RYR2: variants seen among roughly 807,000 people sequenced by gnomAD.
The protein encoded by RYR2 is ryanodine receptor 2.
Under a neutral mutation model 601.1 loss-of-function variants are expected in RYR2, and 227 were observed. The observed-to-expected ratio is 0.38, with a 90% CI of 0.34 to 0.42. The LOEUF is 0.42. Among genes scored for constraint, RYR2 ranks in the 10% least tolerant of loss-of-function variants. The pLI is 1.00. For synonymous variants in RYR2, 2,223 were observed against 2,175.1 expected (o/e 1.02, Z -0.61); for missense variants, 4,646 against 6,156.5 (o/e 0.75, Z 8.21).
At chr1:237,437,937 A>C (rs1460120401) in intron 12 of RYR2, among the ~76,000 whole-genome samples, 1 of 152,212 alleles carries the variant, frequency 6.6e-6, no homozygotes, top group African/African-American at 2.4e-5. Context: ...TGTAGGAGGC[A>C]TAGGAATTAA....
intron 16 of RYR2, among the ~76,000 whole-genome samples, chr1:237,459,136 A>T (rs776948815): frequency 6.6e-6 from 1 of 152,266 alleles, no homozygotes; most frequent in Non-Finnish European, 1.5e-5. Flanking sequence ...ACTAAATTTC[A>T]TAATATAGCA....
chr1:237,306,264 A>C (rs1693852253), intron 2 of RYR2, among the ~76,000 whole-genome samples: 1 of 152,192 alleles, frequency 6.6e-6, no homozygotes, highest in African/African-American at 2.4e-5. Flanking sequence ...CAGCCACAAA[A>C]TGTAAATTTT....
intron 33 of RYR2, among the ~76,000 whole-genome samples, chr1:237,594,610 G>T (rs1197845334): frequency 6.6e-6 from 1 of 152,128 alleles, no homozygotes; most frequent in Non-Finnish European, 1.5e-5. Context: ...GGAGGAAATG[G>T]AAGATAGGGA....
intron 24 of RYR2, among the ~76,000 whole-genome samples, chr1:237,520,740 A>G (rs1041497352): frequency 5.3e-5 from 8 of 152,178 alleles, no homozygotes; most frequent in African/African-American, 1.9e-4. Flanking sequence ...AACAAGTAGC[A>G]AGACTGAATC....
rs531901627 is a variant in RYR2, at chr1:237,046,656, A to G, written c.48+4087A>G. ...AACGCTTAGGGCACTAATTTATTTG[A>G]CATTCAATTGTATTTGTACTTTGGC... is the stretch of plus-strand genomic sequence containing the variant. On this transcript the variant is annotated intron_variant, in intron 1 of 104. Coordinates refer to ENST00000366574, the MANE Select transcript of RYR2 (RefSeq NM_001035.3). Among the ~76,000 whole-genome samples the G allele has an allele frequency of 4.5e-4, 69 of 152,304 alleles. 1 individual carries two copies. Among genetic ancestry groups the G allele is most frequent in the African/African-American group, 1.6e-3 (65 of 41,560 alleles).
chr1:237,589,989 T>A lies in RYR2; in HGVS notation c.3795T>A (p.His1265Gln). The A allele has an allele frequency of 6.2e-7, 1 of 1,613,734 alleles. No homozygotes were observed. The highest frequency in any genetic ancestry group is 8.5e-7 in the Non-Finnish European group (1 of 1,179,764). ...LPQFLQVPSN[H>Q]EHIEVTRIDG... ...AGTTTCTTCAAGTTCCATCAAACCA[T>A]GAACATATAGAGGTTTGCTTTTTCT... The change falls in exon 30 of 105, where the codon CAT becomes CAA. Residue 1265 changes from histidine (H) to glutamine (Q), a missense_variant. Transcript: ENST00000366574.
chr1:237,384,630 C>T (rs997319061), intron 8 of RYR2, among the ~76,000 whole-genome samples: 50 of 152,214 alleles, frequency 3.3e-4, no homozygotes, highest in African/African-American at 1.1e-3. Context: ...AATATTTGCA[C>T]ATAGCGCATT....
intron 12 of RYR2, among the ~76,000 whole-genome samples, chr1:237,437,450 A>G (rs1180761408): frequency 2.6e-5 from 4 of 152,162 alleles, no homozygotes; most frequent in Non-Finnish European, 4.4e-5. Context: ...GTTTGTCAGC[A>G]CAGTTTTTAT....
At position 237,660,842 on chromosome 1, in the gene RYR2, A is replaced by G. The variant is rs1057520894; in HGVS notation, c.8331A>G (p.Glu2777=). ...EKEIYRWPIK[E]SLKTMLAWGW... Reference sequence around the variant, plus strand: ...AAATTTATCGCTGGCCAATCAAAGAATCTTTAAAAACTATGCTGGCTTGGG... The same window carrying G: ...AAATTTATCGCTGGCCAATCAAAGAGTCTTTAAAAACTATGCTGGCTTGGG... Residue 2777 remains glutamate, a synonymous_variant, in exon 56 of 105, where the codon GAA becomes GAG. Coordinates refer to ENST00000366574, the MANE Select transcript of RYR2 (RefSeq NM_001035.3). 1 of 1,547,402 alleles carries G rather than the reference A, an allele frequency of 6.5e-7. No individual in the cohort carries two copies. Among genetic ancestry groups the G allele is most frequent in the Non-Finnish European group, 8.7e-7 (1 of 1,144,338 alleles).
At chr1:237,656,749 T>C (rs2148826255) in intron 53 of RYR2, among the ~76,000 whole-genome samples, 1 of 152,304 alleles carries the variant, frequency 6.6e-6, no homozygotes, top group South Asian at 2.1e-4. Flanking sequence ...GGCTTCTGAG[T>C]GGCCCCCAGC....
chr1:237,796,917 T>C (rs1239771839), intron 96 of RYR2, among the ~76,000 whole-genome samples: 6 of 152,096 alleles, frequency 3.9e-5, no homozygotes, highest in African/African-American at 1.4e-4. Flanking sequence ...CCCAAGTAGC[T>C]GGGATTACAG....
chr1:237,388,856 G>A (rs570448882), intron 10 of RYR2, among the ~76,000 whole-genome samples: 14 of 152,300 alleles, frequency 9.2e-5, no homozygotes, highest in African/African-American at 2.9e-4. Flanking sequence ...GTACTGTGTG[G>A]ATGGTTTGTT....
chr1:237,757,833 A>T, intron 82 of RYR2, 57 bp downstream of exon 82: 1 of 1,063,634 alleles, frequency 9.4e-7, no homozygotes, highest in South Asian at 1.3e-5. Context: ...ACCATATAGT[A>T]AAGAACTATT....
intron 10 of RYR2, among the ~76,000 whole-genome samples, chr1:237,414,659 T>C (rs894243726): frequency 2.0e-5 from 3 of 152,214 alleles, no homozygotes; most frequent in Non-Finnish European, 4.4e-5. Flanking sequence ...TGCAAACATT[T>C]ATAATTTCTT....
chr1:237,756,681 G>A (rs1692982722), intron 81 of RYR2, among the ~76,000 whole-genome samples: 1 of 152,096 alleles, frequency 6.6e-6, no homozygotes, highest in African/African-American at 2.4e-5. Flanking sequence ...GGGTGCACGA[G>A]CTTTTTCTTT....
At chr1:237,676,145 G>T (rs908642282) in intron 60 of RYR2, among the ~76,000 whole-genome samples, 3 of 152,082 alleles carry the variant, frequency 2.0e-5, no homozygotes, top group African/African-American at 7.2e-5. Flanking sequence ...TCCGATATGC[G>T]TAGCAACTCC....
chr1:237,541,114 G>A (rs1669214290), intron 25 of RYR2, among the ~76,000 whole-genome samples: 1 of 152,094 alleles, frequency 6.6e-6, no homozygotes, highest in African/African-American at 2.4e-5. Flanking sequence ...TAAAGATGAG[G>A]CACTGTAATT....
At chr1:237,385,038 T>C (rs940322081) in intron 8 of RYR2, among the ~76,000 whole-genome samples, 3 of 151,974 alleles carry the variant, frequency 2.0e-5, no homozygotes, top group African/African-American at 7.2e-5. Context: ...TACAAGTGCC[T>C]GCCACCATGC....
chr1:237,609,948 T>C (rs541005605), intron 35 of RYR2, among the ~76,000 whole-genome samples: 2 of 151,914 alleles, frequency 1.3e-5, no homozygotes, highest in South Asian at 2.1e-4. Context: ...TTTCCCCGCC[T>C]ATTGTTAGAG....
Sources: gnomAD v4.1 joint callset for allele counts (sites outside exome capture counted in the v4.1 genomes callset) on GRCh38, gnomAD v4.1.1 for gene constraint, MANE v1.5 for transcripts, NCBI Gene and HGNC (gene_info 2026-07-23, HGNC 2026-07-21) for gene names.